MYRIP: variants seen among roughly 807,000 people sequenced by gnomAD.
The protein encoded by MYRIP is myosin VIIA and Rab interacting protein.
Under a neutral mutation model 98.0 loss-of-function variants are expected in MYRIP, and 49 were observed. That is an observed-to-expected ratio of 0.50 (90% CI 0.40 to 0.63). The LOEUF (loss-of-function observed/expected upper bound fraction) is 0.63. MYRIP is among the 30% of genes least tolerant of loss of function. The probability of loss-of-function intolerance (pLI) is 0.00; values close to 1 mark genes in which losing one functional copy is unlikely to be tolerated. For synonymous variants in MYRIP, 404 were observed against 409.5 expected, an observed-to-expected ratio of 0.99 and a Z score of 0.16; for missense variants, 1,004 against 1,058.2, an observed-to-expected ratio of 0.95 and a Z score of 0.71.
At chr3:40,218,612 T>TTTATATATATATA (rs1337574787) in intron 11 of MYRIP, among the ~76,000 whole-genome samples, 17 of 13,522 alleles carry the variant, frequency 1.3e-3, no homozygotes, top group Non-Finnish European at 4.9e-3. Context: ...TATATATATT[T>TTTATATATATATA]TATATATATA....
intron 1 of MYRIP, among the ~76,000 whole-genome samples, chr3:39,871,958 A>C (rs1322919256): frequency 1.3e-5 from 2 of 152,048 alleles, no homozygotes; most frequent in Admixed American, 6.6e-5. Context: ...GTATATCTTG[A>C]AAAGGTGACT....
chr3:40,258,012 ATC>A lies in MYRIP; in HGVS notation c.2548-120_2548-119del. 2.8e-6 allele frequency: 3 copies of A among 1,055,128 alleles called. No individual in the cohort carries two copies. The South Asian group carries it at 3.9e-5, about 14-fold the overall frequency. 65.4% of individuals were successfully genotyped at this position (1,055,128 alleles called of 1,614,324 possible). On this transcript the variant is annotated intron_variant, in intron 16 of 16. Coordinates refer to ENST00000302541, the MANE Select transcript of MYRIP (RefSeq NM_015460.4). ...CATCAGTTTCTAAATGTTGTGAAAC[ATC>A]TAACTGGTCAAAAAGCATGAATAGC...
chr3:40,123,537 A>G (rs546121504), intron 3 of MYRIP, among the ~76,000 whole-genome samples: 62 of 152,316 alleles, frequency 4.1e-4, no homozygotes, highest in African/African-American at 1.5e-3. Context: ...ACAGCAGCCC[A>G]GGCTGAAGCA....
chr3:40,237,973 T>A (rs1307644898), intron 12 of MYRIP, among the ~76,000 whole-genome samples: 2 of 152,208 alleles, frequency 1.3e-5, no homozygotes, highest in Non-Finnish European at 2.9e-5. Flanking sequence ...CCTTTAATTG[T>A]ATGTTTTTTT....
chr3:40,160,675 G>T (rs559499458), intron 4 of MYRIP, among the ~76,000 whole-genome samples: 8 of 152,374 alleles, frequency 5.3e-5, no homozygotes, highest in South Asian at 2.1e-4. Flanking sequence ...CTCCGAGCCA[G>T]GTGCGGGATA....
At chr3:39,852,441 G>C (rs1268272594) in intron 1 of MYRIP, among the ~76,000 whole-genome samples, 1 of 152,096 alleles carries the variant, frequency 6.6e-6, no homozygotes, top group Admixed American at 6.5e-5. Flanking sequence ...TGGTTACATG[G>C]GTAGGCTCTT....
intron 5 of MYRIP, among the ~76,000 whole-genome samples, chr3:40,164,599 G>C (rs1327546739): frequency 6.6e-6 from 1 of 152,198 alleles, no homozygotes; most frequent in East Asian, 1.9e-4. Context: ...ACTAGTGTTT[G>C]ATTAAATAAC....
intron 3 of MYRIP, among the ~76,000 whole-genome samples, chr3:40,076,279 G>A (rs566096644): frequency 5.9e-5 from 9 of 152,264 alleles, no homozygotes; most frequent in African/African-American, 2.2e-4. Context: ...TCTTTCTCAG[G>A]GAAGTCCAAG....
intron 2 of MYRIP, among the ~76,000 whole-genome samples, chr3:39,970,580 AT>A (rs1945555613): frequency 6.6e-6 from 1 of 152,148 alleles, no homozygotes; most frequent in African/African-American, 2.4e-5. Flanking sequence ...TAAAAACAAA[AT>A]TAGTAAACTA....
intron 2 of MYRIP, among the ~76,000 whole-genome samples, chr3:40,030,525 A>C (rs574689554): frequency 1.7e-4 from 26 of 152,328 alleles, no homozygotes; most frequent in African/African-American, 5.8e-4. Context: ...AAACATGTAC[A>C]TGAATGTTTA....
intron 1 of MYRIP, among the ~76,000 whole-genome samples, chr3:39,863,252 G>T (rs1012634608): frequency 6.6e-6 from 1 of 151,640 alleles, no homozygotes; most frequent in Non-Finnish European, 1.5e-5. Flanking sequence ...AGAAACAAGA[G>T]AAACAAGAAA....
intron 3 of MYRIP, among the ~76,000 whole-genome samples, chr3:40,075,381 A>G (rs1288554949): frequency 6.6e-6 from 1 of 152,244 alleles, no homozygotes. Context: ...AGTTTTAAAA[A>G]TTAAGACATC....
chr3:40,066,032 C>G (rs1343003913), intron 3 of MYRIP, among the ~76,000 whole-genome samples: 2 of 152,136 alleles, frequency 1.3e-5, no homozygotes, highest in East Asian at 3.8e-4. Flanking sequence ...GAAAAATAGG[C>G]CTTGCTGTGA....
intron 3 of MYRIP, among the ~76,000 whole-genome samples, chr3:40,104,894 A>G (rs1308315773): frequency 2.0e-5 from 3 of 152,214 alleles, no homozygotes; most frequent in Non-Finnish European, 4.4e-5. Context: ...TAAGGAGTCA[A>G]GACTTGTTCT....
chr3:39,971,393 T>C (rs1383087616), intron 2 of MYRIP, among the ~76,000 whole-genome samples: 1 of 152,072 alleles, frequency 6.6e-6, no homozygotes, highest in Admixed American at 6.6e-5. Flanking sequence ...GGGGGTGGCA[T>C]ATTATGACCT....
chr3:40,003,720 C>T (rs900058595), intron 2 of MYRIP, among the ~76,000 whole-genome samples: 1 of 152,210 alleles, frequency 6.6e-6, no homozygotes, highest in Admixed American at 6.5e-5. Context: ...AGATGCTTCA[C>T]CAACCAGTTC....
At chr3:40,234,979 C>A (rs1952787559) in intron 12 of MYRIP, among the ~76,000 whole-genome samples, 2 of 129,536 alleles carry the variant, frequency 1.5e-5, no homozygotes, top group East Asian at 2.4e-4. Flanking sequence ...GGCAACAGAG[C>A]AAGACCCTGT....
chr3:40,144,363 G>A (rs1290410923), intron 3 of MYRIP, among the ~76,000 whole-genome samples: 1 of 152,216 alleles, frequency 6.6e-6, no homozygotes, highest in Non-Finnish European at 1.5e-5. Context: ...TCTGAGTCAT[G>A]AGACCACCAC....
intron 2 of MYRIP, among the ~76,000 whole-genome samples, chr3:39,998,151 C>G (rs1946417366): frequency 6.6e-6 from 1 of 152,174 alleles, no homozygotes; most frequent in African/African-American, 2.4e-5. Flanking sequence ...TCTCACCACT[C>G]CTATTCAACA....
Sources: gnomAD v4.1 joint callset for allele counts (sites outside exome capture counted in the v4.1 genomes callset) on GRCh38, gnomAD v4.1.1 for gene constraint, MANE v1.5 for transcripts, NCBI Gene and HGNC (gene_info 2026-07-23, HGNC 2026-07-21) for gene names.